The following METTL6 variants were observed in gnomAD, a reference collection of about 807,000 sequenced individuals.
The protein encoded by METTL6 is tRNA N(3)-cytidine methyltransferase METTL6.
Under a neutral mutation model 26.4 loss-of-function variants are expected in METTL6, and 22 were observed. That is an observed-to-expected ratio of 0.83 (90% CI 0.59 to 1.19). The LOEUF is 1.19. Among genes scored for constraint, METTL6 ranks in the 50% most tolerant of loss-of-function variants. The pLI, the probability that METTL6 is intolerant of heterozygous loss-of-function variation, is 0.00. For synonymous variants in METTL6, 109 were observed against 116.2 expected, an observed-to-expected ratio of 0.94 and a Z score of 0.40; for missense variants, 304 against 324.8, an observed-to-expected ratio of 0.94 and a Z score of 0.49.
At chr3:15,415,046 A>C in intron 4 of METTL6, 1 of 879,678 alleles carries the variant, frequency 1.1e-6, no homozygotes, top group Non-Finnish European at 1.4e-6. Context: ...TCTTAAAAAA[A>C]CAAACAAACA....
intron 4 of METTL6, among the ~76,000 whole-genome samples, chr3:15,415,310 G>A (rs1290737189): frequency 6.6e-6 from 1 of 152,244 alleles, no homozygotes; most frequent in Admixed American, 6.5e-5. Flanking sequence ...AGGGTTAAGT[G>A]ATCTGCCAAT....
exon 7 of METTL6, chr3:15,384,081 C>A: frequency 2.5e-6 from 1 of 393,438 alleles, no homozygotes; most frequent in South Asian, 1.8e-5. Context: ...AGGTACTATA[C>A]TGAAAACAAT....
intron 3 of METTL6, among the ~76,000 whole-genome samples, chr3:15,419,013 T>A (rs958334028): frequency 2.6e-5 from 4 of 152,058 alleles, no homozygotes; most frequent in South Asian, 2.1e-4. Context: ...AAAAAATTTT[T>A]AAAAATTAGC....
intron 2 of METTL6, among the ~76,000 whole-genome samples, chr3:15,425,782 A>G (rs758398275): frequency 5.3e-5 from 8 of 152,178 alleles, no homozygotes; most frequent in Non-Finnish European, 8.8e-5. Flanking sequence ...AACACCCACT[A>G]AAGTTCTCTC....
chr3:15,421,973 T>C (rs1287715593), intron 3 of METTL6, among the ~76,000 whole-genome samples: 2 of 152,118 alleles, frequency 1.3e-5, no homozygotes, highest in Non-Finnish European at 2.9e-5. Context: ...CTTTGTTGCC[T>C]AGGCTGGTAA....
chr3:15,400,231 C>T (rs1699605515), intron 6 of METTL6, among the ~76,000 whole-genome samples: 1 of 152,032 alleles, frequency 6.6e-6, no homozygotes, highest in Non-Finnish European at 1.5e-5. Context: ...CTCTCCGCAC[C>T]CCCACCAAGT....
At chr3:15,415,585 T>C (rs145989016) in intron 4 of METTL6, 187 bp downstream of exon 4, 2 of 1,606,340 alleles carry the variant, frequency 1.2e-6, no homozygotes, top group Non-Finnish European at 8.5e-7. Context: ...GCCATGGCAC[T>C]GCACAAATCA....
chr3:15,417,151 C>T (rs1700241456), intron 3 of METTL6, among the ~76,000 whole-genome samples: 1 of 152,112 alleles, frequency 6.6e-6, no homozygotes, highest in Non-Finnish European at 1.5e-5. Flanking sequence ...GAAAACAGAG[C>T]AAGATCTCAT....
chr3:15,399,838 G>A (rs1037060742), intron 6 of METTL6, among the ~76,000 whole-genome samples: 9 of 152,034 alleles, frequency 5.9e-5, no homozygotes, highest in African/African-American at 1.9e-4. Flanking sequence ...TGTGGAAGAC[G>A]AGAATTAATG....
chr3:15,400,280 C>T (rs1699607357), intron 6 of METTL6, among the ~76,000 whole-genome samples: 1 of 152,132 alleles, frequency 6.6e-6, no homozygotes, highest in South Asian at 2.1e-4. Flanking sequence ...CTCTCTGCAC[C>T]CCCACCAAGC....
chr3:15,397,005 TCAAA>T (rs1471322006), intron 6 of METTL6, among the ~76,000 whole-genome samples: 13 of 152,196 alleles, frequency 8.5e-5, no homozygotes, highest in Non-Finnish European at 1.6e-4. Context: ...ACTACTCTCT[TCAAA>T]GCTGTCAGAC....
intron 3 of METTL6, among the ~76,000 whole-genome samples, chr3:15,419,405 C>G (rs1575430956): frequency 6.6e-6 from 1 of 152,182 alleles, no homozygotes; most frequent in Non-Finnish European, 1.5e-5. Flanking sequence ...GTGCTTAGAA[C>G]AGTGACTGGC....
At chr3:15,396,182 C>CTT (rs754124621) in intron 6 of METTL6, among the ~76,000 whole-genome samples, 2 of 152,130 alleles carry the variant, frequency 1.3e-5, no homozygotes, top group Admixed American at 6.6e-5. Flanking sequence ...TTCTTAGAGG[C>CTT]TTTGTTCATT....
intron 6 of METTL6, among the ~76,000 whole-genome samples, chr3:15,392,462 T>C (rs1699376710): frequency 1.3e-5 from 2 of 152,196 alleles, no homozygotes; most frequent in Admixed American, 6.5e-5. Context: ...TTCACTCTGA[T>C]GGTGGTTTCT....
intron 6 of METTL6, among the ~76,000 whole-genome samples, chr3:15,389,936 C>T (rs6807885): frequency 0.14 from 20,410 of 150,478 alleles, 2,559 homozygotes; most frequent in African/African-American, 0.33. Context: ...CAGTGCATCC[C>T]TGAACTCTTG....
chr3:15,385,929 GA>G (rs1260108294), intron 6 of METTL6, among the ~76,000 whole-genome samples: 16 of 152,192 alleles, frequency 1.1e-4, no homozygotes, highest in African/African-American at 3.9e-4. Flanking sequence ...CAGACCCCAG[GA>G]GAGGGTTCTT....
At chr3:15,417,257 C>G (rs966456315) in intron 3 of METTL6, among the ~76,000 whole-genome samples, 4 of 152,112 alleles carry the variant, frequency 2.6e-5, no homozygotes, top group Admixed American at 1.3e-4. Flanking sequence ...GAGTTTGAGA[C>G]CAGCCTGGCC....
At chr3:15,392,088 T>C (rs573164197) in intron 6 of METTL6, among the ~76,000 whole-genome samples, 1 of 152,206 alleles carries the variant, frequency 6.6e-6, no homozygotes, top group Admixed American at 6.5e-5. Context: ...ACTTCCACAA[T>C]GGTTGAACTA....
chr3:15,427,600 C>T (rs550106781), upstream of METTL6: 4 of 611,050 alleles, frequency 6.5e-6, no homozygotes, highest in South Asian at 5.8e-5. Flanking sequence ...TCAGATTCCT[C>T]TCTCACCCCC....
Sources: gnomAD v4.1 joint callset for allele counts (sites outside exome capture counted in the v4.1 genomes callset) on GRCh38, gnomAD v4.1.1 for gene constraint, MANE v1.5 for transcripts, NCBI Gene and HGNC (gene_info 2026-07-23, HGNC 2026-07-21) for gene names.